Variants in RNASEH2B observed in about 807,000 individuals in gnomAD.
The protein encoded by RNASEH2B is Aicardi-Goutieres syndrome 2 protein.
In RNASEH2B, 36 loss-of-function variants were observed where a neutral mutation model predicts 45.0. The ratio of observed to expected loss-of-function variants is 0.80; its 90% confidence interval spans 0.61 to 1.06. The LOEUF (loss-of-function observed/expected upper bound fraction) is 1.06. Ranked by LOEUF, RNASEH2B falls within the 50% of genes least tolerant of loss-of-function variation. The probability of loss-of-function intolerance (pLI) is 0.00; values close to 1 mark genes in which losing one functional copy is unlikely to be tolerated. For missense variants in RNASEH2B, 361 were observed against 360.3 expected (o/e 1.00, Z -0.02); for synonymous variants, 119 against 125.7 (o/e 0.95, Z 0.35).
At chr13:50,945,059 T>A (rs1022879659) in intron 6 of RNASEH2B, among the ~76,000 whole-genome samples, 13 of 152,160 alleles carry the variant, frequency 8.5e-5, no homozygotes, top group Non-Finnish European at 1.6e-4. Flanking sequence ...TCTTATGAGG[T>A]GAATGCTATT....
chr13:50,965,046 A>G (rs1952151015), intron 9 of RNASEH2B, among the ~76,000 whole-genome samples: 1 of 152,170 alleles, frequency 6.6e-6, no homozygotes, highest in African/African-American at 2.4e-5. Flanking sequence ...CCGCACAGCA[A>G]TGGTTTGATT....
chr13:50,951,232 T>C (rs1248326911), intron 9 of RNASEH2B: 1 of 152,220 alleles, frequency 6.6e-6, no homozygotes, highest in African/African-American at 2.4e-5. Flanking sequence ...TGACAAACTA[T>C]ACTAGACGAT....
In RNASEH2B at chr13:50,940,529, A is replaced by G. The variant is rs182615224; in HGVS notation, c.437-2792A>G. ...AATAATATTGGCTCCTTTTCTCTCT[A>G]TACTTCCTACCTCCCATGGGATGGA... On this transcript the variant is annotated intron_variant, in intron 5 of 10. Coordinates refer to ENST00000336617, the MANE Select transcript of RNASEH2B (RefSeq NM_024570.4). Among the ~76,000 whole-genome samples the G allele has an allele frequency of 6.6e-4, 101 of 152,230 alleles. 1 individual carries two copies. Among genetic ancestry groups the G allele is most frequent in the Admixed American group, 5.5e-3 (84 of 15,292 alleles).
chr13:50,934,944 G>T lies in RNASEH2B; in HGVS notation c.381G>T (p.Leu127Phe). The change falls in exon 5 of 11, where the codon TTG becomes TTT. Residue 127 changes from leucine (L) to phenylalanine (F), a missense_variant. By Grantham distance (22) the Leu-to-Phe change is conservative. Coordinates refer to ENST00000336617, the MANE Select transcript of RNASEH2B (RefSeq NM_024570.4). Reference protein sequence around the residue: ...VVDNVFPNCILLLKLPGLEKL... With the variant: ...VVDNVFPNCIFLLKLPGLEKL... ...ATAACGTGTTTCCAAATTGCATCTT[G>T]TTGCTGAAACTTCCTGGACTTGAGA... The T allele has an allele frequency of 6.2e-7, 1 of 1,614,052 alleles. No homozygotes were observed. The highest frequency in any genetic ancestry group is 8.5e-7 in the Non-Finnish European group (1 of 1,179,946).
chr13:50,923,900 G>A (rs1951556047), intron 1 of RNASEH2B, among the ~76,000 whole-genome samples: 1 of 152,154 alleles, frequency 6.6e-6, no homozygotes, highest in African/African-American at 2.4e-5. Context: ...ACAAAGGAGA[G>A]GAGAGGAAAA....
At chr13:50,958,244 A>T (rs1952075580), downstream of RNASEH2B, among the ~76,000 whole-genome samples, 1 of 152,120 alleles carries the variant, frequency 6.6e-6, no homozygotes, top group Non-Finnish European at 1.5e-5. Flanking sequence ...TAATTCTTTA[A>T]TCCATCTTTA....
chr13:50,950,654 T>C (rs1433141078), intron 9 of RNASEH2B: 2 of 152,308 alleles, frequency 1.3e-5, no homozygotes, highest in African/African-American at 2.4e-5. Flanking sequence ...GTGCTTCTTA[T>C]TTTTCTTCAT....
Position 50,943,303 on chromosome 13 carries a change from T to A in RNASEH2B, c.437-18T>A. On this transcript the variant is annotated intron_variant, in intron 5 of 10. Transcript: ENST00000336617. ...TTTTTTTTTAATTCATTGTGCTGAGTCTTTTTTTTCTTTTAAGGTAATCCA... is the reference window on the plus strand; with the variant it reads ...TTTTTTTTTAATTCATTGTGCTGAGACTTTTTTTTCTTTTAAGGTAATCCA... 7.2e-7 allele frequency: 1 copy of A among 1,395,412 alleles called. No homozygotes were observed. The highest frequency in any genetic ancestry group is 1.0e-6 in the Non-Finnish European group (1 of 983,682). The allele number at this position is 1,395,412 out of a possible 1,614,324, so 86.4% of individuals were successfully genotyped here. A position where few individuals can be genotyped will look rare whatever the true frequency, so the allele number is the denominator to read the frequency against.
At chr13:50,934,752 AT>A in intron 4 of RNASEH2B, 132 bp from the exon 5 acceptor site, 2 of 709,582 alleles carry the variant, frequency 2.8e-6, no homozygotes, top group Non-Finnish European at 5.1e-6. Flanking sequence ...CATTGTAGGG[AT>A]TCCTTAGATG....
At chr13:50,960,780 C>A (rs1438792601), downstream of RNASEH2B, among the ~76,000 whole-genome samples, 1 of 152,134 alleles carries the variant, frequency 6.6e-6, no homozygotes, top group Non-Finnish European at 1.5e-5. Context: ...TAGGCTTTAG[C>A]GTTAGAATTA....
intron 1 of RNASEH2B, among the ~76,000 whole-genome samples, chr13:50,914,466 G>A (rs76646711): frequency 4.6e-5 from 7 of 152,198 alleles, no homozygotes. Flanking sequence ...GTCATTTACC[G>A]AATAGTCTAC....
In RNASEH2B at chr13:50,938,801, A is replaced by G. The variant is rs373985129; in HGVS notation, c.436+3802A>G. Reference sequence around the variant, plus strand: ...ACAGGCCATGGATTGGTACCAGTACATGGCTTAGGGACTGGGGAGCCCTGA... The same window carrying G: ...ACAGGCCATGGATTGGTACCAGTACGTGGCTTAGGGACTGGGGAGCCCTGA... On this transcript the variant is annotated intron_variant, in intron 5 of 10. Coordinates refer to ENST00000336617, the MANE Select transcript of RNASEH2B (RefSeq NM_024570.4). 2.6e-5 allele frequency: 4 copies of G among 152,336 alleles called. No individual in the cohort carries two copies. The East Asian group carries it at 5.8e-4, about 22-fold the overall frequency. The allele number at this position is 152,336 out of a possible 1,614,324, so 9.4% of individuals were successfully genotyped here.
In RNASEH2B at chr13:50,927,595, C is replaced by T. The variant is rs991281165; in HGVS notation, c.136+117C>T. The T allele has an allele frequency of 2.7e-5, 20 of 728,946 alleles. No homozygotes were observed. The East Asian group carries it at 2.9e-4, about 10-fold the overall frequency. 45.2% of individuals were successfully genotyped at this position (728,946 alleles called of 1,614,324 possible). On this transcript the variant is annotated intron_variant, in intron 2 of 10. Coordinates refer to ENST00000336617, the MANE Select transcript of RNASEH2B (RefSeq NM_024570.4). ...ATAGCTTTTAAAGTTAAGATGGCACCGTGAGGAGAAGAAAACAAGGTGATG... is the reference window on the plus strand; with the variant it reads ...ATAGCTTTTAAAGTTAAGATGGCACTGTGAGGAGAAGAAAACAAGGTGATG...
chr13:50,930,561 G>A, intron 3 of RNASEH2B, 122 bp from the exon 4 acceptor site: 1 of 785,250 alleles, frequency 1.3e-6, no homozygotes, highest in Non-Finnish European at 2.3e-6. Flanking sequence ...TATAAGAAGA[G>A]ATTTGAATTT....
chr13:50,941,081 A>T (rs1024804897), intron 5 of RNASEH2B: 1 of 152,252 alleles, frequency 6.6e-6, no homozygotes, highest in African/African-American at 2.4e-5. Flanking sequence ...TTCAATAAGA[A>T]AATGTATAAA....
downstream of RNASEH2B, chr13:50,956,855 CTG>C: frequency 3.8e-6 from 2 of 522,412 alleles, no homozygotes; most frequent in Non-Finnish European, 4.9e-6. Flanking sequence ...GATTACAAAA[CTG>C]TGAGGTAAAT....
chr13:50,969,980 G>T, exon 10 of RNASEH2B: 1 of 1,551,316 alleles, frequency 6.4e-7, no homozygotes, highest in Non-Finnish European at 8.7e-7. Context: ...GTGGCTCCAC[G>T]CAAGGCTTGG....
At chr13:50,960,292 T>C (rs973286893), downstream of RNASEH2B, 4 of 363,450 alleles carry the variant, frequency 1.1e-5, no homozygotes, top group Non-Finnish European at 1.9e-5. Context: ...TGTAATTTAG[T>C]TTTTAAAAAT....
chr13:50,912,897 C>G (rs1250137935), intron 1 of RNASEH2B: 1 of 152,192 alleles, frequency 6.6e-6, no homozygotes, highest in African/African-American at 2.4e-5. Context: ...TTTTTTCCAA[C>G]ATTTAATTCA....
Sources: allele counts gnomAD v4.1 joint callset (sites outside exome capture counted in the v4.1 genomes callset), GRCh38; gene constraint gnomAD v4.1.1; transcripts MANE v1.5; gene names NCBI Gene and HGNC (gene_info 2026-07-23, HGNC 2026-07-21).